Variants in GALNT13 observed in about 807,000 individuals in gnomAD.
The protein encoded by GALNT13 is UDP-GalNAc:polypeptide N-acetylgalactosaminyltransferase 13.
Under a neutral mutation model 64.2 loss-of-function variants are expected in GALNT13, and 28 were observed. The ratio of observed to expected loss-of-function variants is 0.44; its 90% CI spans 0.32 to 0.60. GALNT13 has a LOEUF of 0.60. Among genes scored for constraint, GALNT13 ranks in the 20% least tolerant of loss-of-function variants. The pLI is 0.05. For synonymous variants in GALNT13, 214 were observed against 224.6 expected, an observed-to-expected ratio of 0.95 and a Z score of 0.42; for missense variants, 577 against 669.8, an observed-to-expected ratio of 0.86 and a Z score of 1.53.
chr2:154,019,687 TTTTG>T (rs146408057), intron 3 of GALNT13, among the ~76,000 whole-genome samples: 12,767 of 118,866 alleles, frequency 0.11, 1,506 homozygotes, highest in East Asian at 0.65. Context: ...TTAAATGATT[TTTTG>T]TTTTTTTTGT....
chr2:154,150,365 T>C (rs1683914976), intron 4 of GALNT13, among the ~76,000 whole-genome samples: 1 of 151,178 alleles, frequency 6.6e-6, no homozygotes, highest in Non-Finnish European at 1.5e-5. Flanking sequence ...TCAATGTTCA[T>C]CAAGGATATT....
At chr2:153,493,204 G>A in the GALNT13 span, among the ~76,000 whole-genome samples, 4 of 151,740 alleles carry the variant, frequency 2.6e-5, no homozygotes, top group South Asian at 8.3e-4. Flanking sequence ...GCAAACAATA[G>A]AAAAAATTAA....
At chr2:154,357,570 T>A (rs905976143) in intron 9 of GALNT13, among the ~76,000 whole-genome samples, 1 of 152,058 alleles carries the variant, frequency 6.6e-6, no homozygotes, top group East Asian at 1.9e-4. Flanking sequence ...GCATAGTGGA[T>A]GACAACGGCG....
At chr2:154,376,872 G>A (rs536595425) in intron 9 of GALNT13, among the ~76,000 whole-genome samples, 175 of 152,160 alleles carry the variant, frequency 1.2e-3, no homozygotes, top group African/African-American at 4.0e-3. Context: ...TTGCAGATGC[G>A]TTCTCTCAGC....
the GALNT13 span, among the ~76,000 whole-genome samples, chr2:153,198,964 G>A: frequency 6.6e-6 from 1 of 151,208 alleles, no homozygotes; most frequent in Admixed American, 6.6e-5. Context: ...GCCTGGGACT[G>A]AGTAGGCCTG....
the GALNT13 span, among the ~76,000 whole-genome samples, chr2:153,554,117 C>G: frequency 2.0e-5 from 3 of 151,488 alleles, no homozygotes; most frequent in South Asian, 2.1e-4. Context: ...GAGATTGAGA[C>G]CATCCTGGCT....
intron 3 of GALNT13, among the ~76,000 whole-genome samples, chr2:154,031,864 A>C (rs1472663618): frequency 6.6e-6 from 1 of 151,990 alleles, no homozygotes; most frequent in African/African-American, 2.4e-5. Context: ...ACCAAATAGG[A>C]AATGAGTAAG....
intron 3 of GALNT13, among the ~76,000 whole-genome samples, chr2:154,133,798 AT>A (rs1461762350): frequency 2.0e-5 from 3 of 151,950 alleles, no homozygotes; most frequent in Non-Finnish European, 4.4e-5. Flanking sequence ...AAATAATTAT[AT>A]TAATAAAAAT....
the GALNT13 span, among the ~76,000 whole-genome samples, chr2:153,703,792 A>T: frequency 6.6e-6 from 1 of 152,344 alleles, no homozygotes; most frequent in East Asian, 1.9e-4. Flanking sequence ...TAGATAGCAG[A>T]ATATGCTCTG....
chr2:153,811,712 C>A, the GALNT13 span, among the ~76,000 whole-genome samples: 17 of 152,112 alleles, frequency 1.1e-4, 1 homozygote, highest in Non-Finnish European at 5.9e-5. Context: ...TTAGAGCTCA[C>A]AATTGAAACC....
chr2:153,689,324 T>C, the GALNT13 span, among the ~76,000 whole-genome samples: 1 of 152,054 alleles, frequency 6.6e-6, no homozygotes, highest in Non-Finnish European at 1.5e-5. Flanking sequence ...TATACTAGGC[T>C]ATTTGGATCT....
Position 153,957,657 on chromosome 2 carries a change from T to A in GALNT13, c.142+13018T>A, listed in dbSNP as rs142397492. 6.6e-5 allele frequency among the ~76,000 whole-genome samples: 10 copies of A among 152,194 alleles called. No individual in the cohort carries two copies. The East Asian group carries it at 1.9e-3, about 29-fold the overall frequency. ...CAAGTTGGGGGCTCTTGTCTAGGCATCCCATCCCAGATGCCAATTTCATAA... is the reference window on the plus strand; with the variant it reads ...CAAGTTGGGGGCTCTTGTCTAGGCAACCCATCCCAGATGCCAATTTCATAA... On this transcript the variant is annotated intron_variant, in intron 3 of 12. Coordinates refer to ENST00000392825, the MANE Select transcript of GALNT13 (RefSeq NM_052917.4).
chr2:153,214,187 G>A, the GALNT13 span, among the ~76,000 whole-genome samples: 2 of 152,216 alleles, frequency 1.3e-5, no homozygotes, highest in South Asian at 4.1e-4. Flanking sequence ...AGAGGGCCCT[G>A]GGTAATGAAA....
chr2:153,270,249 A>T, the GALNT13 span, among the ~76,000 whole-genome samples: 2 of 152,160 alleles, frequency 1.3e-5, no homozygotes, highest in Non-Finnish European at 2.9e-5. Flanking sequence ...ACTCTGTGTC[A>T]GACATTTTAG....
intron 3 of GALNT13, among the ~76,000 whole-genome samples, chr2:154,081,180 C>A (rs1701255198): frequency 6.6e-6 from 1 of 151,502 alleles, no homozygotes; most frequent in Non-Finnish European, 1.5e-5. Flanking sequence ...CTATGTAAAT[C>A]TCTGGTTCAT....
At chr2:153,507,417 A>T in the GALNT13 span, among the ~76,000 whole-genome samples, 1 of 152,030 alleles carries the variant, frequency 6.6e-6, no homozygotes. Context: ...AGTAGCTAGG[A>T]CTACAGGCCC....
intron 3 of GALNT13, among the ~76,000 whole-genome samples, chr2:153,966,426 C>T (rs367657043): frequency 3.3e-5 from 5 of 150,442 alleles, no homozygotes; most frequent in African/African-American, 9.8e-5. Context: ...AGTGCAGTGG[C>T]GGGATCTCGG....
chr2:153,084,665 G>T, the GALNT13 span, among the ~76,000 whole-genome samples: 1 of 152,184 alleles, frequency 6.6e-6, no homozygotes, highest in East Asian at 1.9e-4. Flanking sequence ...AAGCTGTCTT[G>T]TCTACCACCT....
the GALNT13 span, among the ~76,000 whole-genome samples, chr2:153,672,507 G>A: frequency 2.0e-5 from 3 of 152,164 alleles, no homozygotes; most frequent in Non-Finnish European, 4.4e-5. Flanking sequence ...AAACCAATGA[G>A]AACAAAGGCA....
Sources: allele counts gnomAD v4.1 joint callset (sites outside exome capture counted in the v4.1 genomes callset), GRCh38; gene constraint gnomAD v4.1.1; transcripts MANE v1.5; gene names NCBI Gene and HGNC (gene_info 2026-07-23, HGNC 2026-07-21).